Variants in ZNF654 observed in about 807,000 individuals in gnomAD.
ZNF654 encodes the protein melanoma-associated antigen.
A neutral mutation model predicts 95.3 loss-of-function variants in ZNF654; 19 were observed. That is an observed-to-expected ratio of 0.20 (90% CI 0.14 to 0.29). The LOEUF is 0.29. Ranked by LOEUF, ZNF654 falls within the 10% of genes least tolerant of loss-of-function variation. ZNF654 has a pLI of 1.00. For synonymous variants in ZNF654, 413 were observed against 457.9 expected (o/e 0.90, Z 1.25); for missense variants, 1,046 against 1,341.0 (o/e 0.78, Z 3.44).
At chr3:88,138,673 A>G (rs1490411983) in intron 7 of ZNF654, 32 bp from the exon 8 acceptor site, 2 of 1,205,852 alleles carry the variant, frequency 1.7e-6, no homozygotes, top group Non-Finnish European at 2.1e-6. Flanking sequence ...TTGGAAAAAA[A>G]GTATTTAGCA....
chr3:88,112,045 G>T (rs182702421), intron 2 of ZNF654, among the ~76,000 whole-genome samples: 4 of 151,926 alleles, frequency 2.6e-5, no homozygotes, highest in Admixed American at 1.3e-4. Context: ...AATCATCAAA[G>T]AATATTTTTC....
At chr3:88,079,721 A>G (rs1253366651) in intron 1 of ZNF654, among the ~76,000 whole-genome samples, 1 of 152,034 alleles carries the variant, frequency 6.6e-6, no homozygotes, top group African/African-American at 2.4e-5. Flanking sequence ...ATATTTAGAG[A>G]TGCTTACTCC....
intron 3 of ZNF654, among the ~76,000 whole-genome samples, chr3:88,120,231 C>A (rs550959829): frequency 2.6e-5 from 4 of 152,070 alleles, no homozygotes; most frequent in Non-Finnish European, 1.5e-5. Flanking sequence ...AGAATGAGGG[C>A]CTAAGTCTTA....
chr3:88,094,605 A>C (rs1263384066), intron 2 of ZNF654, among the ~76,000 whole-genome samples: 1 of 152,160 alleles, frequency 6.6e-6, no homozygotes, highest in African/African-American at 2.4e-5. Context: ...GGATATACAA[A>C]AATTAGAGCA....
intron 2 of ZNF654, among the ~76,000 whole-genome samples, chr3:88,088,727 TAA>T (rs11329135): frequency 2.0e-5 from 3 of 151,404 alleles, no homozygotes; most frequent in African/African-American, 4.9e-5. Flanking sequence ...TGAGGCAGTT[TAA>T]AAAAAAACCT....
intron 1 of ZNF654, among the ~76,000 whole-genome samples, chr3:88,071,103 A>T (rs765125147): frequency 4.6e-5 from 7 of 152,216 alleles, no homozygotes; most frequent in African/African-American, 7.2e-5. Flanking sequence ...TTATAAACTT[A>T]GAGTAGATAT....
At chr3:88,069,354 G>A (rs1224508501) in intron 1 of ZNF654, among the ~76,000 whole-genome samples, 4 of 152,124 alleles carry the variant, frequency 2.6e-5, no homozygotes, top group African/African-American at 9.7e-5. Flanking sequence ...CTCTGGAGGC[G>A]GAGGTTGCAG....
At chr3:88,130,979 TTATA>T (rs1458937973) in intron 6 of ZNF654, among the ~76,000 whole-genome samples, 1 of 152,128 alleles carries the variant, frequency 6.6e-6, no homozygotes, top group Non-Finnish European at 1.5e-5. Context: ...ACACACACCT[TTATA>T]TACAGTTATG....
intron 2 of ZNF654, among the ~76,000 whole-genome samples, chr3:88,091,813 C>T (rs1343885638): frequency 2.0e-5 from 3 of 152,162 alleles, no homozygotes; most frequent in Admixed American, 1.3e-4. Flanking sequence ...TGCCTTTGTT[C>T]CTCCTTCGCC....
intron 1 of ZNF654, among the ~76,000 whole-genome samples, chr3:88,084,276 AG>A (rs1367481611): frequency 6.6e-6 from 1 of 152,218 alleles, no homozygotes; most frequent in Admixed American, 6.5e-5. Context: ...ACCCATAAAT[AG>A]GGAGCAGATA....
chr3:88,120,768 CTA>C (rs1322878475), intron 3 of ZNF654, among the ~76,000 whole-genome samples: 1 of 151,138 alleles, frequency 6.6e-6, no homozygotes, highest in East Asian at 2.0e-4. Flanking sequence ...AAGGATGAAA[CTA>C]AAATAATGTT....
At chr3:88,085,644 A>G (rs577312809) in intron 1 of ZNF654, among the ~76,000 whole-genome samples, 1 of 152,336 alleles carries the variant, frequency 6.6e-6, no homozygotes, top group African/African-American at 2.4e-5. Context: ...GAGCATTGTC[A>G]TCTCCATTTT....
At chr3:88,071,001 C>A (rs760633758) in intron 1 of ZNF654, among the ~76,000 whole-genome samples, 1 of 151,962 alleles carries the variant, frequency 6.6e-6, no homozygotes, top group Non-Finnish European at 1.5e-5. Context: ...AGATATAAAA[C>A]GTAGGTAGAG....
chr3:88,087,835 G>GGA (rs1263762098), intron 2 of ZNF654, among the ~76,000 whole-genome samples: 1 of 152,086 alleles, frequency 6.6e-6, no homozygotes, highest in East Asian at 1.9e-4. Flanking sequence ...GTTGGGGTGG[G>GGA]GAAACAGCAT....
intron 7 of ZNF654, among the ~76,000 whole-genome samples, chr3:88,137,322 T>C (rs540401839): frequency 2.0e-4 from 30 of 152,122 alleles, no homozygotes; most frequent in African/African-American, 7.2e-4. Flanking sequence ...CTAATTATAA[T>C]TGACATTTAG....
At chr3:88,072,179 A>AG in intron 1 of ZNF654, among the ~76,000 whole-genome samples, 1 of 152,348 alleles carries the variant, frequency 6.6e-6, no homozygotes, top group South Asian at 2.1e-4. Context: ...TGAATTATCT[A>AG]GTAAGGGAGA....
chr3:88,135,464 T>A, intron 7 of ZNF654: 1 of 241,826 alleles, frequency 4.1e-6, no homozygotes, highest in Non-Finnish European at 7.9e-6. Context: ...TTTGTTACTT[T>A]CAATATTATC....
Position 88,138,953 on chromosome 3 carries a change from T to C in ZNF654, c.1284T>C (p.Ser428=), listed in dbSNP as rs1265510082. Reference sequence around the variant, plus strand: ...AAGAATATAATGAAGGCACAAGTAGTGTTCAAAATCGTGTTCGTTTTGAAT... The same window carrying C: ...AAGAATATAATGAAGGCACAAGTAGCGTTCAAAATCGTGTTCGTTTTGAAT... ...PDEEYNEGTS[S]VQNRVRFELL... The change falls in exon 8 of 9, where the codon AGT becomes AGC. Residue 428 remains serine (S), a synonymous_variant. Transcript: ENST00000636215. 1 of 1,243,384 alleles carries C rather than the reference T, an allele frequency of 8.0e-7. No homozygotes were observed. The highest frequency in any genetic ancestry group is 1.0e-6 in the Non-Finnish European group (1 of 995,764). 77.0% of individuals were successfully genotyped at this position (1,243,384 alleles called of 1,614,324 possible). A position where few individuals can be genotyped will look rare whatever the true frequency, so the allele number is the denominator to read the frequency against.
At chr3:88,092,992 T>C (rs993138679) in intron 2 of ZNF654, among the ~76,000 whole-genome samples, 3 of 152,212 alleles carry the variant, frequency 2.0e-5, no homozygotes, top group Admixed American at 2.0e-4. Flanking sequence ...AAAAGTCATG[T>C]AGTGAATTGT....
Sources: gnomAD v4.1 joint callset for allele counts (sites outside exome capture counted in the v4.1 genomes callset) on GRCh38, gnomAD v4.1.1 for gene constraint, MANE v1.5 for transcripts, NCBI Gene and HGNC (gene_info 2026-07-23, HGNC 2026-07-21) for gene names.